Variants in GRIP1 observed in about 807,000 individuals in gnomAD.
GRIP1 encodes the protein glutamate receptor-interacting protein 1.
A neutral mutation model predicts 129.9 loss-of-function variants in GRIP1; 45 were observed. The ratio of observed to expected loss-of-function variants is 0.35; its 90% confidence interval spans 0.27 to 0.44. The LOEUF is 0.44. Among genes scored for constraint, GRIP1 ranks in the 20% least tolerant of loss-of-function variants. The probability of loss-of-function intolerance (pLI) is 1.00; values close to 1 mark genes in which losing one functional copy is unlikely to be tolerated. For synonymous variants in GRIP1, 530 were observed against 520.8 expected (o/e 1.02, Z -0.24); for missense variants, 1,196 against 1,396.8 (o/e 0.86, Z 2.29).
At position 66,862,962 on chromosome 12, in the gene GRIP1, C is replaced by A. The variant is rs76179970; in HGVS notation, c.58+206088G>T. ...GAAACTTAAAATATGAAATGTTGTA[C>A]TATTATTGAAACACCGAGACAAAAC... is the stretch of plus-strand genomic sequence containing the variant. On this transcript the variant is annotated intron_variant, in intron 1 of 1. Transcript: ENST00000643019. Among the ~76,000 whole-genome samples the A allele has an allele frequency of 1.5e-3, 226 of 151,866 alleles. 1 individual carries two copies. Among genetic ancestry groups the A allele is most frequent in the African/African-American group, 5.3e-3 (220 of 41,416 alleles).
At chr12:66,878,129 T>C (rs576911888) in intron 1 of GRIP1, among the ~76,000 whole-genome samples, 2 of 152,148 alleles carry the variant, frequency 1.3e-5, no homozygotes, top group South Asian at 2.1e-4. Flanking sequence ...AAAGACAGAC[T>C]GAGCACCCAC....
At chr12:67,018,259 C>T (rs537272334) in intron 1 of GRIP1, among the ~76,000 whole-genome samples, 30 of 152,304 alleles carry the variant, frequency 2.0e-4, no homozygotes, top group African/African-American at 6.3e-4. Flanking sequence ...CCAGATCTCC[C>T]TCTCTGCCTC....
chr12:66,442,028 G>A (rs1053174099), intron 13 of GRIP1, among the ~76,000 whole-genome samples: 19 of 152,172 alleles, frequency 1.2e-4, no homozygotes, highest in Admixed American at 5.9e-4. Flanking sequence ...TGCCTTACGT[G>A]TCCAACTGCC....
intron 7 of GRIP1, among the ~76,000 whole-genome samples, chr12:66,493,375 A>C (rs536877195): frequency 1.5e-4 from 23 of 152,210 alleles, no homozygotes; most frequent in Non-Finnish European, 3.1e-4. Context: ...ACAACTTTGC[A>C]GATCACCATG....
intron 1 of GRIP1, among the ~76,000 whole-genome samples, chr12:66,888,264 CT>C (rs781528116): frequency 1.3e-4 from 19 of 151,892 alleles, no homozygotes; most frequent in Non-Finnish European, 2.1e-4. Context: ...TCTCAATATG[CT>C]GCCCCAGCTG....
At chr12:66,527,050 A>T (rs918284426) in intron 5 of GRIP1, among the ~76,000 whole-genome samples, 2 of 144,060 alleles carry the variant, frequency 1.4e-5, no homozygotes, top group Admixed American at 1.4e-4. Context: ...GGATGTGGAG[A>T]AATAGGAACA....
intron 1 of GRIP1, among the ~76,000 whole-genome samples, chr12:66,756,927 C>G (rs1034586856): frequency 1.3e-5 from 2 of 152,102 alleles, no homozygotes; most frequent in African/African-American, 2.4e-5. Flanking sequence ...CCATCTAAAC[C>G]CTATGTGCCA....
intron 1 of GRIP1, among the ~76,000 whole-genome samples, chr12:66,687,290 T>C (rs545936162): frequency 1.3e-5 from 2 of 152,316 alleles, no homozygotes; most frequent in East Asian, 3.9e-4. Context: ...CACATGCAAT[T>C]AGGTGACAAA....
At chr12:66,801,989 G>C (rs2038872111) in intron 1 of GRIP1, among the ~76,000 whole-genome samples, 2 of 152,098 alleles carry the variant, frequency 1.3e-5, no homozygotes, top group African/African-American at 4.8e-5. Context: ...TTACCCATTT[G>C]AGAGGACTGG....
intron 19 of GRIP1, among the ~76,000 whole-genome samples, chr12:66,381,360 C>T (rs774624543): frequency 1.9e-4 from 29 of 152,348 alleles, no homozygotes; most frequent in Non-Finnish European, 4.1e-4. Context: ...TGTGTCTTCT[C>T]TTGAAGGGGA....
intron 14 of GRIP1, among the ~76,000 whole-genome samples, chr12:66,428,878 G>A (rs1243514468): frequency 6.6e-6 from 1 of 152,212 alleles, no homozygotes; most frequent in Non-Finnish European, 1.5e-5. Context: ...AGGATTCGCT[G>A]ACTCGAAAGA....
At chr12:66,943,381 G>A (rs1002501525) in intron 1 of GRIP1, among the ~76,000 whole-genome samples, 1 of 152,218 alleles carries the variant, frequency 6.6e-6, no homozygotes, top group African/African-American at 2.4e-5. Context: ...AGTTTCTGTT[G>A]AGAGGATATT....
intron 7 of GRIP1, among the ~76,000 whole-genome samples, chr12:66,470,325 G>C (rs2059402143): frequency 6.6e-6 from 1 of 152,022 alleles, no homozygotes; most frequent in African/African-American, 2.4e-5. Context: ...TTCCAGTCCT[G>C]AACTCCTATT....
intron 2 of GRIP1, among the ~76,000 whole-genome samples, chr12:66,586,173 C>A (rs567832296): frequency 6.6e-6 from 1 of 152,152 alleles, no homozygotes; most frequent in Admixed American, 6.5e-5. Flanking sequence ...TCACCTCCAC[C>A]CATTCAAATG....
chr12:67,058,020 G>C (rs1004364668), intron 1 of GRIP1, among the ~76,000 whole-genome samples: 5 of 152,224 alleles, frequency 3.3e-5, no homozygotes, highest in Admixed American at 3.3e-4. Flanking sequence ...AACTATCAAA[G>C]TTTGATTTCA....
chr12:66,792,921 A>G (rs2038586439), intron 1 of GRIP1, among the ~76,000 whole-genome samples: 1 of 152,202 alleles, frequency 6.6e-6, no homozygotes, highest in Admixed American at 6.5e-5. Context: ...CATATATTTT[A>G]TAGTAAATAA....
intron 1 of GRIP1, among the ~76,000 whole-genome samples, chr12:66,795,070 CAA>C (rs990775302): frequency 1.3e-5 from 2 of 152,140 alleles, no homozygotes; most frequent in Admixed American, 6.6e-5. Context: ...ATGTACTGAG[CAA>C]AGTTTTTAAA....
chr12:66,838,309 T>C (rs184223905), intron 1 of GRIP1, among the ~76,000 whole-genome samples: 288 of 152,266 alleles, frequency 1.9e-3, no homozygotes, highest in African/African-American at 2.3e-3. Flanking sequence ...GTACCATTTG[T>C]TTCTATGATT....
intron 2 of GRIP1, among the ~76,000 whole-genome samples, chr12:66,586,974 C>T (rs1447004322): frequency 6.6e-6 from 1 of 152,116 alleles, no homozygotes; most frequent in Non-Finnish European, 1.5e-5. Flanking sequence ...CTATACTGCT[C>T]AGAATAATAT....
Sources: allele counts gnomAD v4.1 joint callset (sites outside exome capture counted in the v4.1 genomes callset), GRCh38; gene constraint gnomAD v4.1.1; transcripts MANE v1.5; gene names NCBI Gene and HGNC (gene_info 2026-07-23, HGNC 2026-07-21).